Variants in PPP3CC observed in about 807,000 individuals in gnomAD.
PPP3CC encodes serine/threonine-protein phosphatase 2B catalytic subunit gamma isoform.
PPP3CC carries 35 observed loss-of-function variants against 60.3 expected under a neutral mutation model. The observed-to-expected ratio is 0.58, with a 90% confidence interval of 0.44 to 0.77. PPP3CC has a LOEUF of 0.77. Among genes scored for constraint, PPP3CC ranks in the 30% least tolerant of loss-of-function variants. The probability of loss-of-function intolerance (pLI) is 0.00; values close to 1 mark genes in which losing one functional copy is unlikely to be tolerated. For synonymous variants in PPP3CC, 206 were observed against 224.3 expected (o/e 0.92, Z 0.73); for missense variants, 570 against 628.9 (o/e 0.91, Z 1.00).
At chr8:22,489,844 TG>T (rs1838346922) in intron 3 of PPP3CC, among the ~76,000 whole-genome samples, 1 of 149,136 alleles carries the variant, frequency 6.7e-6, no homozygotes, top group Admixed American at 6.8e-5. Context: ...TAATTTGAGA[TG>T]GAGTCTTGCT....
At position 22,540,740 on chromosome 8, in the gene PPP3CC, G is replaced by A. The variant is rs746732880; in HGVS notation, c.1477G>A (p.Val493Ile). Residue 493 changes from valine (V) to isoleucine (I), a missense_variant, in exon 14 of 14, where the codon GTA becomes ATA. By Grantham distance (29) the Val-to-Ile change is conservative. Transcript: ENST00000240139. ...ACACGCTGGTGGGCCAATGAAATCT[G>A]TAACCTCAGCACACTCACATGCTGC... The part of the protein sequence containing the change: ...SIHAGGPMKS[V>I]TSAHSHAAHR... The A allele has an allele frequency of 1.2e-6, 2 of 1,614,078 alleles. No individual in the cohort carries two copies. Among genetic ancestry groups the A allele is most frequent in the Non-Finnish European group, 1.7e-6 (2 of 1,180,006 alleles).
intron 3 of PPP3CC, among the ~76,000 whole-genome samples, chr8:22,497,063 C>G (rs1016011947): frequency 6.6e-6 from 1 of 151,836 alleles, no homozygotes; most frequent in African/African-American, 2.4e-5. Context: ...GAGTTTCGCT[C>G]TTGTTGCCCA....
chr8:22,477,772 G>A (rs985041621), intron 3 of PPP3CC, among the ~76,000 whole-genome samples: 9 of 151,944 alleles, frequency 5.9e-5, no homozygotes, highest in Non-Finnish European at 1.2e-4. Flanking sequence ...CTGAGTATAT[G>A]GAACTATAGA....
At chr8:22,473,545 C>G (rs1382216963) in intron 1 of PPP3CC, among the ~76,000 whole-genome samples, 2 of 151,416 alleles carry the variant, frequency 1.3e-5, no homozygotes, top group African/African-American at 4.9e-5. Context: ...CTCACTGCAA[C>G]CTCCATCTCC....
intron 10 of PPP3CC, among the ~76,000 whole-genome samples, chr8:22,531,804 G>A (rs923981311): frequency 2.0e-5 from 3 of 152,224 alleles, no homozygotes; most frequent in Non-Finnish European, 4.4e-5. Flanking sequence ...ACAGCTGCTG[G>A]AATGATCACT....
chr8:22,513,233 GT>G (rs1483569407), intron 5 of PPP3CC, 59 bp from the exon 6 acceptor site: 3 of 1,541,376 alleles, frequency 1.9e-6, no homozygotes, highest in African/African-American at 1.4e-5. Flanking sequence ...ACACATACTA[GT>G]TTCCAAGAAG....
Position 22,471,667 on chromosome 8 carries a change from G to A in PPP3CC, c.50-3287G>A, listed in dbSNP as rs532948303. Among the ~76,000 whole-genome samples, 11 of 152,282 alleles carry A rather than the reference G, an allele frequency of 7.2e-5. No individual in the cohort carries two copies. The South Asian group carries it at 2.3e-3, about 32-fold the overall frequency. ...ATAAAAGGCAAAAACTGGTACACCT[G>A]TATAGGGCACTTAACCATGAATGGG... On this transcript the variant is annotated intron_variant, in intron 1 of 13. Transcript: ENST00000240139.
At chr8:22,465,852 T>C (rs1468870342) in intron 1 of PPP3CC, among the ~76,000 whole-genome samples, 1 of 152,152 alleles carries the variant, frequency 6.6e-6, no homozygotes, top group African/African-American at 2.4e-5. Context: ...TTTTAAAAAA[T>C]TATTCTTTAA....
intron 4 of PPP3CC, among the ~76,000 whole-genome samples, chr8:22,505,024 A>ATTTTTTT (rs34116717): frequency 1.7e-5 from 2 of 115,974 alleles, no homozygotes; most frequent in African/African-American, 3.3e-5. Flanking sequence ...CCACGAACCT[A>ATTTTTTT]TTTTTTTTTT....
intron 1 of PPP3CC, among the ~76,000 whole-genome samples, chr8:22,448,697 C>G (rs375868059): frequency 6.6e-6 from 1 of 151,834 alleles, no homozygotes; most frequent in Admixed American, 6.6e-5. Flanking sequence ...TGTTAAATGT[C>G]TTGAATGTGA....
chr8:22,504,696 C>G (rs1180104588), intron 4 of PPP3CC, among the ~76,000 whole-genome samples: 2 of 151,108 alleles, frequency 1.3e-5, no homozygotes, highest in African/African-American at 4.9e-5. Context: ...GCCTCCCTCC[C>G]TCCTTCCCTC....
At chr8:22,495,524 A>G (rs953977318) in intron 3 of PPP3CC, among the ~76,000 whole-genome samples, 9 of 151,976 alleles carry the variant, frequency 5.9e-5, no homozygotes, top group African/African-American at 2.2e-4. Flanking sequence ...CAGTTTGGCC[A>G]AATTGTTTTT....
chr8:22,537,829 T>G (rs1839876885), intron 12 of PPP3CC, among the ~76,000 whole-genome samples: 1 of 152,222 alleles, frequency 6.6e-6, no homozygotes, highest in Non-Finnish European at 1.5e-5. Flanking sequence ...GCCACTCATT[T>G]GAAATGTCCA....
intron 4 of PPP3CC, among the ~76,000 whole-genome samples, chr8:22,508,024 C>CAGG (rs1273065157): frequency 6.6e-6 from 1 of 152,144 alleles, no homozygotes; most frequent in African/African-American, 2.4e-5. Flanking sequence ...GAGGCTGGGG[C>CAGG]AGGAGGATTG....
Position 22,441,105 on chromosome 8 carries a change from A to T in PPP3CC, c.-305A>T. 1 of 269,154 alleles carries T rather than the reference A, an allele frequency of 3.7e-6. No individual in the cohort carries two copies. The allele number at this position is 269,154 out of a possible 1,614,324, so 16.7% of individuals were successfully genotyped here. A position where few individuals can be genotyped will look rare whatever the true frequency, so the allele number is the denominator to read the frequency against. ...GTGCACGAGGGCCCGGGCCGCGAGC[A>T]GCCGCGGCCGTCCCGGTCGCCACCC... is the stretch of plus-strand genomic sequence containing the variant. On this transcript the variant is annotated 5_prime_UTR_variant, in exon 1 of 14. Coordinates refer to ENST00000240139, the MANE Select transcript of PPP3CC (RefSeq NM_005605.5).
intron 3 of PPP3CC, among the ~76,000 whole-genome samples, chr8:22,496,627 A>G (rs1838595996): frequency 6.6e-6 from 1 of 150,694 alleles, no homozygotes; most frequent in South Asian, 2.1e-4. Flanking sequence ...CCTCCCAGGC[A>G]GCTGGGATTG....
chr8:22,443,665 C>T (rs531037951), intron 1 of PPP3CC, among the ~76,000 whole-genome samples: 20 of 152,146 alleles, frequency 1.3e-4, no homozygotes, highest in Admixed American at 1.2e-3. Context: ...TAAGACTGCT[C>T]TTAAATAAAT....
At chr8:22,463,832 G>T (rs1837435224) in intron 1 of PPP3CC, among the ~76,000 whole-genome samples, 1 of 151,298 alleles carries the variant, frequency 6.6e-6, no homozygotes. Flanking sequence ...TGTTTCCCAG[G>T]CTGGAGTGCA....
chr8:22,489,221 T>C (rs1438137427), intron 3 of PPP3CC, among the ~76,000 whole-genome samples: 1 of 152,032 alleles, frequency 6.6e-6, no homozygotes, highest in African/African-American at 2.4e-5. Context: ...TGAGAAACAT[T>C]TGGATTCAGG....
Sources: allele counts gnomAD v4.1 joint callset (sites outside exome capture counted in the v4.1 genomes callset), GRCh38; gene constraint gnomAD v4.1.1; transcripts MANE v1.5; gene names NCBI Gene and HGNC (gene_info 2026-07-23, HGNC 2026-07-21).